Variants in RPS6KA2 observed in about 807,000 individuals in gnomAD.
The protein encoded by RPS6KA2 is ribosomal protein S6 kinase A2.
In RPS6KA2, 42 loss-of-function variants were observed where a neutral mutation model predicts 91.8. The observed-to-expected ratio is 0.46, with a 90% CI of 0.36 to 0.59. The LOEUF is 0.59. Ranked by LOEUF, RPS6KA2 falls within the 20% of genes least tolerant of loss-of-function variation. The pLI, the probability that RPS6KA2 is intolerant of heterozygous loss-of-function variation, is 0.00. For synonymous variants in RPS6KA2, 414 were observed against 393.6 expected, an observed-to-expected ratio of 1.05 and a Z score of -0.61; for missense variants, 798 against 978.5, an observed-to-expected ratio of 0.82 and a Z score of 2.46.
intron 13 of RPS6KA2, among the ~76,000 whole-genome samples, chr6:166,450,100 TGGG>T (rs1583150256): frequency 1.3e-3 from 145 of 108,604 alleles, no homozygotes; most frequent in Middle Eastern, 0.016. Flanking sequence ...GGAACCACCA[TGGG>T]GACCAACATG....
At chr6:166,827,256 CAAAAAAAAAAAAAAAAAAAA>C (rs56296433) in intron 2 of RPS6KA2, among the ~76,000 whole-genome samples, 117 of 94,484 alleles carry the variant, frequency 1.2e-3, no homozygotes, top group South Asian at 7.0e-3. Context: ...CAACCTTATA[CAAAAAAAAAAAAAAAAAAAA>C]AAAAAAAAAA....
rs879598895 is a variant in RPS6KA2 at position 166,581,742 on chromosome 6, CCGCTGGG to C, written c.100-42965_100-42959del. On this transcript the variant is annotated intron_variant, in intron 1 of 20. Coordinates refer to ENST00000265678, the MANE Select transcript of RPS6KA2 (RefSeq NM_021135.6). The stretch of plus-strand genomic sequence containing the variant: ...CCTGGGCGAGATGGGGAGGGAACAC[CCGCTGGG>C]CAGGAGGGCACGGGGAGAGGGCCGG... 6.6e-3 allele frequency among the ~76,000 whole-genome samples: 985 copies of C among 149,842 alleles called. 23 individuals carry two copies. The highest frequency in any genetic ancestry group is 0.015 in the East Asian group (70 of 4,804).
chr6:166,559,280 G>T (rs1409586155), intron 1 of RPS6KA2, among the ~76,000 whole-genome samples: 2 of 152,300 alleles, frequency 1.3e-5, no homozygotes, highest in South Asian at 2.1e-4. Context: ...AAAGAGTTCT[G>T]CATTTTCTTT....
intron 2 of RPS6KA2, among the ~76,000 whole-genome samples, chr6:166,676,795 T>G (rs1788633778): frequency 1.3e-5 from 2 of 152,262 alleles, no homozygotes; most frequent in African/African-American, 4.8e-5. Context: ...CTTCCTTCAA[T>G]CTACATGTTT....
chr6:166,769,833 TC>T (rs1368798196), intron 2 of RPS6KA2, among the ~76,000 whole-genome samples: 1 of 152,172 alleles, frequency 6.6e-6, no homozygotes, highest in African/African-American at 2.4e-5. Flanking sequence ...GGCGGCCGCA[TC>T]CTTGTGCAGT....
Position 166,536,645 on chromosome 6 carries a change from C to A in RPS6KA2, c.216+2023G>T, listed in dbSNP as rs145321274. ...CGGACCTAAGCCTCCCTTCCCACGC[C>A]AGCCCCAGCCTGGACCTCCTGCCCC... On this transcript the variant is annotated intron_variant, in intron 2 of 20. Transcript: ENST00000265678. Among the ~76,000 whole-genome samples, 21 of 152,284 alleles carry A rather than the reference C, an allele frequency of 1.4e-4. No individual in the cohort carries two copies. In the East Asian group the frequency reaches 4.1e-3, roughly 29 times the overall value.
At chr6:166,823,815 A>G (rs879390580) in intron 2 of RPS6KA2, among the ~76,000 whole-genome samples, 3 of 152,226 alleles carry the variant, frequency 2.0e-5, no homozygotes, top group South Asian at 2.1e-4. Flanking sequence ...GCGAAGTTCA[A>G]TTTATCCCCA....
chr6:166,546,678 A>C (rs1219643023), intron 1 of RPS6KA2, among the ~76,000 whole-genome samples: 5 of 152,206 alleles, frequency 3.3e-5, no homozygotes, highest in African/African-American at 1.2e-4. Flanking sequence ...TCTTTAGCAG[A>C]AAAGGGAAAA....
chr6:166,550,827 C>T (rs905485209), intron 1 of RPS6KA2, among the ~76,000 whole-genome samples: 10 of 151,654 alleles, frequency 6.6e-5, no homozygotes, highest in African/African-American at 1.2e-4. Flanking sequence ...ACGGTGAAAC[C>T]CCGTCTCTAC....
rs1782414262 is a variant in RPS6KA2 at position 166,510,259 on chromosome 6, C to A, written c.379+18G>T. The A allele has an allele frequency of 1.3e-6, 2 of 1,525,856 alleles. No homozygotes were observed. The highest frequency in any genetic ancestry group is 1.7e-5 in the Admixed American group (1 of 57,978). The allele number at this position is 1,525,856 out of a possible 1,614,324, so 94.5% of individuals were successfully genotyped here. ...TTGCCCTGGGTCCTCTTTAAAGTGTCATTTTGACTCTACTTACCATAATGA... is the reference window on the plus strand; with the variant it reads ...TTGCCCTGGGTCCTCTTTAAAGTGTAATTTTGACTCTACTTACCATAATGA... On this transcript the variant is annotated intron_variant, in intron 4 of 20. Coordinates refer to ENST00000265678, the MANE Select transcript of RPS6KA2 (RefSeq NM_021135.6).
At chr6:166,562,396 T>C (rs558999171) in intron 1 of RPS6KA2, among the ~76,000 whole-genome samples, 16 of 152,332 alleles carry the variant, frequency 1.1e-4, no homozygotes, top group African/African-American at 3.8e-4. Context: ...TCTCTAAGTA[T>C]GCATTTCTAT....
chr6:166,684,623 T>G (rs980042890), intron 2 of RPS6KA2, among the ~76,000 whole-genome samples: 1 of 152,104 alleles, frequency 6.6e-6, no homozygotes, highest in African/African-American at 2.4e-5. Context: ...CCGGGTGCAG[T>G]CATCCTCAAG....
At chr6:166,542,598 A>G (rs1180323898) in intron 1 of RPS6KA2, 1 of 152,222 alleles carries the variant, frequency 6.6e-6, no homozygotes, top group Non-Finnish European at 1.5e-5. Flanking sequence ...GAATGTGACA[A>G]ATTGTGACAA....
chr6:166,488,245 C>G (rs1273567960), intron 10 of RPS6KA2, among the ~76,000 whole-genome samples: 14 of 150,816 alleles, frequency 9.3e-5, no homozygotes, highest in Admixed American at 9.2e-4. Context: ...CCGAAAACAC[C>G]CTGCTCCAGT....
chr6:166,652,017 T>C (rs1787869429), intron 2 of RPS6KA2, among the ~76,000 whole-genome samples: 1 of 152,252 alleles, frequency 6.6e-6, no homozygotes, highest in Non-Finnish European at 1.5e-5. Flanking sequence ...TATTTACTTC[T>C]GCTAGTAGAC....
At chr6:166,586,298 G>A (rs540791432) in intron 1 of RPS6KA2, 2 of 1,598,632 alleles carry the variant, frequency 1.3e-6, no homozygotes, top group Non-Finnish European at 1.7e-6. Flanking sequence ...ACTGTCTGTT[G>A]TCTTGCAACC....
At position 166,767,059 on chromosome 6, in the gene RPS6KA2, G is replaced by C. The variant is rs570121453; in HGVS notation, c.123+91141C>G. On this transcript the variant is annotated intron_variant, in intron 2 of 21. Coordinates refer to the RPS6KA2 transcript ENST00000503859. This position sits in a 1 kb window ranked among gnomAD's most constrained non-coding sequence, Gnocchi z 4.6. ...CTCACCGCCACGAGAGTGAATGAAGGTCCCTTCCTTACCTGGGGGCTGCCC... is the reference window on the plus strand; with the variant it reads ...CTCACCGCCACGAGAGTGAATGAAGCTCCCTTCCTTACCTGGGGGCTGCCC... 2.1e-4 allele frequency among the ~76,000 whole-genome samples: 32 copies of C among 152,174 alleles called. No individual in the cohort carries two copies. Among genetic ancestry groups the C allele is most frequent in the Non-Finnish European group, 4.3e-4 (29 of 68,032 alleles).
chr6:166,702,088 G>A, intron 2 of RPS6KA2: 2 of 1,406,884 alleles, frequency 1.4e-6, no homozygotes, highest in Non-Finnish European at 2.0e-6. Context: ...CAGGAGTAGA[G>A]AGGATAGTAA....
At chr6:166,799,970 A>C (rs1779322661) in intron 2 of RPS6KA2, among the ~76,000 whole-genome samples, 1 of 152,166 alleles carries the variant, frequency 6.6e-6, no homozygotes, top group Non-Finnish European at 1.5e-5. Context: ...GAGATGCGCT[A>C]AGCACAGGCC....
Sources: gnomAD v4.1 joint callset for allele counts (sites outside exome capture counted in the v4.1 genomes callset) on GRCh38, gnomAD v4.1.1 for gene constraint, Gnocchi (gnomAD v3.1) non-coding constraint, MANE v1.5 for transcripts, NCBI Gene and HGNC (gene_info 2026-07-23, HGNC 2026-07-21) for gene names.